The following C1QTNF4 variants were observed in gnomAD, a reference collection of about 807,000 sequenced individuals.
C1QTNF4 encodes the protein C1q and TNF related 4, also known as complement C1q tumor necrosis factor-related protein 4.
A neutral mutation model predicts 14.6 loss-of-function variants in C1QTNF4; 12 were observed. The ratio of observed to expected loss-of-function variants is 0.82; its 90% CI spans 0.53 to 1.33. The LOEUF (loss-of-function observed/expected upper bound fraction) is 1.33. Ranked by LOEUF, C1QTNF4 falls within the 40% of genes most tolerant of loss-of-function variation. The probability of loss-of-function intolerance (pLI) is 0.00; values close to 1 mark genes in which losing one functional copy is unlikely to be tolerated. For synonymous variants in C1QTNF4, 278 were observed against 246.6 expected (o/e 1.13, Z -1.19); for missense variants, 558 against 500.3 (o/e 1.12, Z -1.10).
chr11:47,593,026 C>T (rs2097276359), intron 1 of C1QTNF4, among the ~76,000 whole-genome samples: 1 of 152,208 alleles, frequency 6.6e-6, no homozygotes, highest in Non-Finnish European at 1.5e-5. Flanking sequence ...AAGATGGCAC[C>T]TCACAAGTGT....
intron 1 of C1QTNF4, among the ~76,000 whole-genome samples, chr11:47,592,968 G>T (rs1312088966): frequency 6.6e-6 from 1 of 152,216 alleles, no homozygotes; most frequent in Non-Finnish European, 1.5e-5. Context: ...TTAGTTAGGT[G>T]TCCCTTGGTT....
Position 47,590,293 on chromosome 11 carries a change from G to GGGGGCGCGGGCGGCCCGC in C1QTNF4, c.500_517dup (p.Arg167_Pro172dup). On this transcript the variant is annotated inframe_insertion, in exon 2 of 2. Coordinates refer to ENST00000302514, the MANE Select transcript of C1QTNF4 (RefSeq NM_031909.3). ...CGCCGAGAAGGCCGAGCGCGGCTCG[G>GGGGGCGCGGGCGGCCCGC]GGGGCGCGGGCGGCCCGCGCGCAGG... 3.4e-6 allele frequency: 4 copies of GGGGGCGCGGGCGGCCCGC among 1,167,936 alleles called. No homozygotes were observed. Among genetic ancestry groups the GGGGGCGCGGGCGGCCCGC allele is most frequent in the Non-Finnish European group, 4.2e-6 (4 of 944,894 alleles). The allele number at this position is 1,167,936 out of a possible 1,614,324, so 72.3% of individuals were successfully genotyped here.
chr11:47,593,326 A>C (rs1483292212), intron 1 of C1QTNF4, among the ~76,000 whole-genome samples: 1 of 152,238 alleles, frequency 6.6e-6, no homozygotes, highest in Non-Finnish European at 1.5e-5. Context: ...CTTGGGATCC[A>C]GGGTGAGGAA....
At position 47,590,337 on chromosome 11, in the gene C1QTNF4, G is replaced by A. The variant is rs1345489595; in HGVS notation, c.474C>T (p.Ala158=). 3.8e-6 allele frequency: 5 copies of A among 1,314,614 alleles called. No homozygotes were observed. The highest frequency in any genetic ancestry group is 4.8e-6 in the Non-Finnish European group (5 of 1,035,662). 81.4% of individuals were successfully genotyped at this position (1,314,614 alleles called of 1,614,324 possible). A position where few individuals can be genotyped will look rare whatever the true frequency, so the allele number is the denominator to read the frequency against. ...GATFSGYLVY[A]DADADAPARG... is the part of the protein sequence containing the mutation. ...GCGCAGGCGCGTCAGCGTCGGCGTC[G>A]GCGTAGACTAGGTAGCCGCTGAAGG... Residue 158 remains alanine (A), a synonymous_variant, in exon 2 of 2, where the codon GCC becomes GCT. Coordinates refer to ENST00000302514, the MANE Select transcript of C1QTNF4 (RefSeq NM_031909.3).
At position 47,590,302 on chromosome 11, in the gene C1QTNF4, G is replaced by A. The variant is rs1393576275; in HGVS notation, c.509C>T (p.Pro170Leu). ...ADADAPARGP[P>L]APPEPRSAFS... ...GGCCGAGCGCGGCTCGGGGGGCGCG[G>A]GCGGCCCGCGCGCAGGCGCGTCAGC... The change falls in exon 2 of 2, where the codon CCC (proline) becomes CTC (leucine). Residue 170 changes from proline (P) to leucine (L), a missense_variant. Transcript: ENST00000302514. The A allele has an allele frequency of 6.8e-5, 79 of 1,169,866 alleles. No homozygotes were observed. The highest frequency in any genetic ancestry group is 8.0e-5 in the Non-Finnish European group (76 of 946,276). The allele number at this position is 1,169,866 out of a possible 1,614,324, so 72.5% of individuals were successfully genotyped here. A position where few individuals can be genotyped will look rare whatever the true frequency, so the allele number is the denominator to read the frequency against.
At position 47,590,015 on chromosome 11, in the gene C1QTNF4, G is replaced by A. The variant is rs1302231328; in HGVS notation, c.796C>T (p.Arg266Cys). ...ACGCTCTGGCTCTGCATCTCGCGGC[G>A]CCGCGACGCGCCGTCGTCGTAAATC... ...AMIYDDGASRRREMQSQSVML... is the reference protein window; with the variant it reads ...AMIYDDGASRCREMQSQSVML... Residue 266 changes from arginine to cysteine, a missense_variant, in exon 2 of 2, where the codon CGC becomes TGC. Coordinates refer to ENST00000302514, the MANE Select transcript of C1QTNF4 (RefSeq NM_031909.3). 2 of 1,611,614 alleles carry A rather than the reference G, an allele frequency of 1.2e-6. No individual in the cohort carries two copies.
chr11:47,590,507 G>GC lies in C1QTNF4; in HGVS notation c.303dup (p.Gln102AlafsTer62). 6.4e-7 allele frequency: 1 copy of GC among 1,568,582 alleles called. No homozygotes were observed. On this transcript the variant is annotated frameshift_variant, in exon 2 of 2. Transcript: ENST00000302514. LOFTEE classifies it high-confidence loss of function. Reference sequence around the variant, plus strand: ...CGCTGCTCGTCGAAGGCCAGCGCCTGCACCTCGTCGCGGTTTCGCACCAGC... The same window carrying GC: ...CGCTGCTCGTCGAAGGCCAGCGCCTGCCACCTCGTCGCGGTTTCGCACCAGC...
upstream of C1QTNF4, among the ~76,000 whole-genome samples, chr11:47,594,960 TAAG>T (rs1453811805): frequency 6.6e-6 from 1 of 152,066 alleles, no homozygotes; most frequent in Non-Finnish European, 1.5e-5. Flanking sequence ...TGAGGGGCAG[TAAG>T]GAGGAGAGTC....
Position 47,590,519 on chromosome 11 carries a change from G to C in C1QTNF4, c.292C>G (p.Arg98Gly), listed in dbSNP as rs1292598047. 4 of 1,584,910 alleles carry C rather than the reference G, an allele frequency of 2.5e-6. No individual in the cohort carries two copies. Among genetic ancestry groups the C allele is most frequent in the Admixed American group, 3.5e-5 (2 of 56,700 alleles). Residue 98 changes from arginine (R) to glycine (G), a missense_variant, in exon 2 of 2, where the codon CGC becomes GGC. By Grantham distance (125) the Arg-to-Gly change is moderately radical. Coordinates refer to ENST00000302514, the MANE Select transcript of C1QTNF4 (RefSeq NM_031909.3). ...KSLSVMLVRN[R>G]DEVQALAFDE... ...AAGGCCAGCGCCTGCACCTCGTCGCGGTTTCGCACCAGCATCACCGACAGG... is the reference window on the plus strand; with the variant it reads ...AAGGCCAGCGCCTGCACCTCGTCGCCGTTTCGCACCAGCATCACCGACAGG...
At chr11:47,591,026 C>A (rs966210914) in intron 1 of C1QTNF4, among the ~76,000 whole-genome samples, 2 of 152,190 alleles carry the variant, frequency 1.3e-5, no homozygotes, top group African/African-American at 4.8e-5. Context: ...TGGGCCCCAT[C>A]ACCAGAGTTC....
intron 1 of C1QTNF4, 23 bp downstream of exon 1, chr11:47,594,125 T>A (rs914706099): frequency 2.0e-5 from 3 of 152,258 alleles, no homozygotes; most frequent in East Asian, 1.9e-4. Flanking sequence ...CTCGGCTCCC[T>A]GCCTCCCCTC....
At chr11:47,593,280 T>G (rs1405350463) in intron 1 of C1QTNF4, among the ~76,000 whole-genome samples, 1 of 152,142 alleles carries the variant, frequency 6.6e-6, no homozygotes, top group Admixed American at 6.5e-5. Context: ...AGTTTACCTT[T>G]TTGCAAAACT....
chr11:47,590,464 C>G lies in C1QTNF4; in HGVS notation c.347G>C (p.Arg116Pro). 2.6e-6 allele frequency: 4 copies of G among 1,521,490 alleles called. No individual in the cohort carries two copies. The highest frequency in any genetic ancestry group is 1.2e-5 in the South Asian group (1 of 80,996). The allele number at this position is 1,521,490 out of a possible 1,614,324, so 94.2% of individuals were successfully genotyped here. ...FDEQRRPGAR[R>P]AASQSAMLQL... is the part of the protein sequence containing the mutation. ...CAGCATGGCGCTCTGGCTGGCTGCG[C>G]GCCGCGCGCCTGGCCGCCGCTGCTC... The change falls in exon 2 of 2, where the codon CGC (arginine) becomes CCC (proline). Residue 116 changes from arginine (R) to proline (P), a missense_variant. Physicochemically the swap from Arg to Pro is moderately radical, Grantham distance 103 (BLOSUM62 -2). Coordinates refer to ENST00000302514, the MANE Select transcript of C1QTNF4 (RefSeq NM_031909.3).
upstream of C1QTNF4, chr11:47,594,602 C>A: frequency 6.5e-6 from 1 of 153,430 alleles, no homozygotes; most frequent in Non-Finnish European, 1.4e-5. Flanking sequence ...AAACTGAGGC[C>A]AGAGGCAGCA....
At chr11:47,590,952 C>T in intron 1 of C1QTNF4, 137 bp from the exon 2 acceptor site, 1 of 1,354,152 alleles carries the variant, frequency 7.4e-7, no homozygotes, top group East Asian at 2.6e-5. Context: ...TTCCTACATC[C>T]TTGGATTCTC....
chr11:47,592,885 T>C (rs2097276300), intron 1 of C1QTNF4, among the ~76,000 whole-genome samples: 1 of 152,198 alleles, frequency 6.6e-6, no homozygotes, highest in South Asian at 2.1e-4. Context: ...AGACCCCAAG[T>C]TGCTAGCCAA....
In C1QTNF4 at chr11:47,590,005, A is replaced by G; in HGVS notation, c.806T>C (p.Met269Thr). 2 of 1,611,514 alleles carry G rather than the reference A, an allele frequency of 1.2e-6. No homozygotes were observed. The highest frequency in any genetic ancestry group is 1.7e-6 in the Non-Finnish European group (2 of 1,178,460). ...YDDGASRRREMQSQSVMLALR... is the reference protein window; with the variant it reads ...YDDGASRRRETQSQSVMLALR... ...GGCCAGCATCACGCTCTGGCTCTGC[A>G]TCTCGCGGCGCCGCGACGCGCCGTC... The change falls in exon 2 of 2, where the codon ATG becomes ACG. Residue 269 changes from methionine to threonine, a missense_variant. Transcript: ENST00000302514.
chr11:47,593,530 G>A (rs551108612), intron 1 of C1QTNF4, among the ~76,000 whole-genome samples: 2 of 152,082 alleles, frequency 1.3e-5, no homozygotes, highest in South Asian at 4.2e-4. Context: ...TGTGCACCCA[G>A]TACCCAGCCT....
rs1339461092 is a variant in C1QTNF4 at position 47,594,188 on chromosome 11, C to G, written c.-46G>C. 6.6e-6 allele frequency: 1 copy of G among 152,142 alleles called. No homozygotes were observed. Among genetic ancestry groups the G allele is most frequent in the South Asian group, 2.1e-4 (1 of 4,834 alleles). 9.4% of individuals were successfully genotyped at this position (152,142 alleles called of 1,614,324 possible). A position where few individuals can be genotyped will look rare whatever the true frequency, so the allele number is the denominator to read the frequency against. ...GGTCGAGTCGGGTTCGGTCTGAGCC[C>G]GCGATCTGGCTCCGGGCTGCGGGCT... On this transcript the variant is annotated 5_prime_UTR_variant, in exon 1 of 2. Transcript: ENST00000302514.
Sources: gnomAD v4.1 joint callset for allele counts (sites outside exome capture counted in the v4.1 genomes callset) on GRCh38, gnomAD v4.1.1 for gene constraint, MANE v1.5 for transcripts, NCBI Gene and HGNC (gene_info 2026-07-23, HGNC 2026-07-21) for gene names.